Variants in SLC39A8 observed in about 807,000 individuals in gnomAD.
SLC39A8 encodes the protein metal cation symporter ZIP8.
A neutral mutation model predicts 40.4 loss-of-function variants in SLC39A8; 15 were observed. That is an observed-to-expected ratio of 0.37 (90% CI 0.25 to 0.57). The LOEUF (loss-of-function observed/expected upper bound fraction) is 0.57, where lower values mean the gene tolerates loss of function less well. SLC39A8 is among the 20% of genes least tolerant of loss of function. SLC39A8 has a pLI of 0.75. For missense variants in SLC39A8, 472 were observed against 558.8 expected (o/e 0.84, Z 1.57); for synonymous variants, 223 against 221.6 (o/e 1.01, Z -0.06).
At chr4:102,264,061 C>A (rs963978739) in intron 8 of SLC39A8, among the ~76,000 whole-genome samples, 24 of 152,210 alleles carry the variant, frequency 1.6e-4, no homozygotes, top group African/African-American at 5.8e-4. Flanking sequence ...TATTTTGACT[C>A]CTTCCATAAA....
At chr4:102,316,167 T>C (rs897327991) in intron 2 of SLC39A8, among the ~76,000 whole-genome samples, 1 of 152,188 alleles carries the variant, frequency 6.6e-6, no homozygotes, top group African/African-American at 2.4e-5. Flanking sequence ...CAATTTTTTA[T>C]TGTCAGTACC....
At chr4:102,328,326 G>A (rs1305656811) in intron 2 of SLC39A8, among the ~76,000 whole-genome samples, 1 of 151,198 alleles carries the variant, frequency 6.6e-6, no homozygotes, top group Non-Finnish European at 1.5e-5. Flanking sequence ...TGCTTCTCAG[G>A]CCTTATCTCT....
intron 2 of SLC39A8, among the ~76,000 whole-genome samples, chr4:102,332,958 T>A (rs935343397): frequency 6.6e-6 from 1 of 152,032 alleles, no homozygotes; most frequent in Admixed American, 6.6e-5. Flanking sequence ...TAAGTGGGAA[T>A]TGAACAATGA....
intron 6 of SLC39A8, among the ~76,000 whole-genome samples, chr4:102,300,788 T>G (rs1733891704): frequency 6.6e-6 from 1 of 151,828 alleles, no homozygotes; most frequent in Admixed American, 6.6e-5. Flanking sequence ...TTTTATAATA[T>G]AAAATATTAG....
chr4:102,276,887 A>G (rs1162327585), intron 6 of SLC39A8, among the ~76,000 whole-genome samples: 1 of 152,156 alleles, frequency 6.6e-6, no homozygotes, highest in East Asian at 1.9e-4. Context: ...ATGACAAAAA[A>G]CACATGATTA....
rs778875367 is a variant in SLC39A8 at position 102,307,439 on chromosome 4, T to A, written c.549A>T (p.Pro183=). The A allele has an allele frequency of 1.5e-5, 25 of 1,613,032 alleles. No individual in the cohort carries two copies. Among genetic ancestry groups the A allele is most frequent in the Non-Finnish European group, 2.0e-5 (24 of 1,179,512 alleles). Residue 183 remains proline (P), a synonymous_variant, in exon 4 of 9, where the codon CCA becomes CCT. Transcript: ENST00000356736. ...LFSNAIFQLI[P]EAFGFDPKVD... is the part of the protein sequence containing the mutation. Reference sequence around the variant, plus strand: ...AACAAATAGCCAACATCCTTACCTCTGGAATAAGTTGGAAAATTGCATTTG... The same window carrying A: ...AACAAATAGCCAACATCCTTACCTCAGGAATAAGTTGGAAAATTGCATTTG...
At chr4:102,332,844 G>C (rs1379408273) in intron 2 of SLC39A8, among the ~76,000 whole-genome samples, 1 of 152,146 alleles carries the variant, frequency 6.6e-6, no homozygotes, top group Non-Finnish European at 1.5e-5. Flanking sequence ...CATAAAAAAA[G>C]GATGAGTTCA....
chr4:102,278,276 TAAAC>T (rs1384864788), intron 6 of SLC39A8, among the ~76,000 whole-genome samples: 1 of 152,064 alleles, frequency 6.6e-6, no homozygotes, highest in Admixed American at 6.6e-5. Flanking sequence ...ACAAGGAACT[TAAAC>T]AAATTTAGAA....
At chr4:102,300,961 A>G (rs890472708) in intron 6 of SLC39A8, among the ~76,000 whole-genome samples, 8 of 151,942 alleles carry the variant, frequency 5.3e-5, no homozygotes, top group Admixed American at 5.3e-4. Context: ...CAATTTGTTT[A>G]AATGTCTATT....
At chr4:102,309,051 G>A (rs1560553069) in intron 3 of SLC39A8, among the ~76,000 whole-genome samples, 1 of 151,916 alleles carries the variant, frequency 6.6e-6, no homozygotes, top group Non-Finnish European at 1.5e-5. Flanking sequence ...AAGCCCAAAG[G>A]ACTCAATAAA....
chr4:102,256,506 A>G (rs1026531290), intron 11 of SLC39A8, among the ~76,000 whole-genome samples: 1 of 152,206 alleles, frequency 6.6e-6, no homozygotes, highest in African/African-American at 2.4e-5. Flanking sequence ...CAGAAATGTG[A>G]TAAGTCCACT....
intron 6 of SLC39A8, among the ~76,000 whole-genome samples, chr4:102,300,895 AT>A (rs1255758726): frequency 6.6e-6 from 1 of 151,884 alleles, no homozygotes; most frequent in East Asian, 1.9e-4. Context: ...CTTAAATTTC[AT>A]TTCTTTTGAT....
intron 11 of SLC39A8, among the ~76,000 whole-genome samples, chr4:102,255,292 A>C (rs1731682084): frequency 6.6e-6 from 1 of 152,224 alleles, no homozygotes; most frequent in Admixed American, 6.5e-5. Flanking sequence ...TAAAGCCAAA[A>C]AGGACATACT....
chr4:102,333,196 A>G (rs1005128906), intron 2 of SLC39A8, among the ~76,000 whole-genome samples: 3 of 152,162 alleles, frequency 2.0e-5, no homozygotes, highest in East Asian at 1.9e-4. Flanking sequence ...ATATACATAT[A>G]TATGTATTCA....
At chr4:102,320,269 GAAT>G (rs1734871323) in intron 2 of SLC39A8, among the ~76,000 whole-genome samples, 2 of 129,048 alleles carry the variant, frequency 1.5e-5, no homozygotes, top group Non-Finnish European at 3.2e-5. Context: ...ATATATATGA[GAAT>G]ATTATATATG....
At chr4:102,341,296 A>G (rs1290064194) in intron 2 of SLC39A8, among the ~76,000 whole-genome samples, 4 of 152,228 alleles carry the variant, frequency 2.6e-5, no homozygotes, top group Non-Finnish European at 4.4e-5. Flanking sequence ...TAATTTAGAA[A>G]ATAGGATCTT....
intron 6 of SLC39A8, among the ~76,000 whole-genome samples, chr4:102,277,168 G>T (rs1732657118): frequency 6.6e-6 from 1 of 152,142 alleles, no homozygotes; most frequent in African/African-American, 2.4e-5. Context: ...GAAATAAGGG[G>T]TATTCAAATA....
chr4:102,341,551 G>A (rs1407744733), intron 2 of SLC39A8, among the ~76,000 whole-genome samples: 1 of 152,010 alleles, frequency 6.6e-6, no homozygotes, highest in African/African-American at 2.4e-5. Context: ...CAGAAATGAG[G>A]GCCCCAGAGA....
exon 12 of SLC39A8, chr4:102,252,598 A>C (rs1272681878): frequency 6.6e-6 from 1 of 152,216 alleles, no homozygotes; most frequent in Non-Finnish European, 1.5e-5. Context: ...CACACACCAA[A>C]AAAAATCCCA....
Sources: gnomAD v4.1 joint callset for allele counts (sites outside exome capture counted in the v4.1 genomes callset) on GRCh38, gnomAD v4.1.1 for gene constraint, MANE v1.5 for transcripts, NCBI Gene and HGNC (gene_info 2026-07-23, HGNC 2026-07-21) for gene names.